The following PTRH1 variants were observed in gnomAD, a reference collection of about 807,000 sequenced individuals.
PTRH1 encodes the protein peptidyl-tRNA hydrolase.
Under a neutral mutation model 15.7 loss-of-function variants are expected in PTRH1, and 13 were observed. The ratio of observed to expected loss-of-function variants is 0.83; its 90% CI spans 0.54 to 1.31. The LOEUF (loss-of-function observed/expected upper bound fraction) is 1.31. PTRH1 is among the 40% of genes most tolerant of loss of function. The pLI, the probability that PTRH1 is intolerant of heterozygous loss-of-function variation, is 0.00. For synonymous variants in PTRH1, 139 were observed against 136.7 expected, an observed-to-expected ratio of 1.02 and a Z score of -0.12; for missense variants, 319 against 296.2, an observed-to-expected ratio of 1.08 and a Z score of -0.56.
chr9:127,710,450 C>A (rs933893644), downstream of PTRH1: 35 of 847,662 alleles, frequency 4.1e-5, no homozygotes, highest in Non-Finnish European at 6.1e-5. Flanking sequence ...CAGGGCCAGG[C>A]AGGGTAGGTG....
downstream of PTRH1, chr9:127,713,158 G>A (rs1314642266): frequency 1.2e-6 from 2 of 1,603,806 alleles, no homozygotes; most frequent in Admixed American, 1.7e-5. Flanking sequence ...TCAGGCTGCT[G>A]TCATATATCA....
chr9:127,699,717 A>G lies in PTRH1; in HGVS notation c.206-4576T>C, dbSNP rs543757817. ...GCAAAATAAAATGGGCTATCAGGGG[A>G]AAAAAAAAACAAAAAAACTGGTTCT... On this transcript the variant is annotated intron_variant, in intron 1 of 2. Transcript: ENST00000335223. Among the ~76,000 whole-genome samples the G allele has an allele frequency of 1.9e-4, 22 of 115,382 alleles. No homozygotes were observed. In the South Asian group the frequency reaches 3.3e-3, roughly 17 times the overall value. The allele number at this position is 115,382 out of a possible 152,430, so 75.7% of individuals were successfully genotyped here. A position where few individuals can be genotyped will look rare whatever the true frequency, so the allele number is the denominator to read the frequency against.
chr9:127,698,557 G>A (rs1842579608), intron 1 of PTRH1, among the ~76,000 whole-genome samples: 1 of 152,050 alleles, frequency 6.6e-6, no homozygotes, highest in African/African-American at 2.4e-5. Flanking sequence ...AGTCGTGGTG[G>A]CACATGCCTG....
At chr9:127,701,107 T>C (rs1842600333) in intron 1 of PTRH1, among the ~76,000 whole-genome samples, 1 of 152,228 alleles carries the variant, frequency 6.6e-6, no homozygotes, top group African/African-American at 2.4e-5. Flanking sequence ...CTGCTGAATA[T>C]GTATGTTTAG....
At chr9:127,699,412 C>G (rs1208108432) in intron 1 of PTRH1, among the ~76,000 whole-genome samples, 2 of 152,236 alleles carry the variant, frequency 1.3e-5, no homozygotes, top group East Asian at 3.8e-4. Context: ...GGCCTCGGGA[C>G]TGGGCTTGGG....
chr9:127,699,716 G>GAA lies in PTRH1; in HGVS notation c.206-4577_206-4576dup, dbSNP rs34867721. Among the ~76,000 whole-genome samples the GAA allele has an allele frequency of 2.5e-4, 37 of 146,672 alleles. No homozygotes were observed. The Middle Eastern group carries it at 0.014, about 56-fold the overall frequency. ...AGCAAAATAAAATGGGCTATCAGGG[G>GAA]AAAAAAAAAACAAAAAAACTGGTTC... is the stretch of plus-strand genomic sequence containing the variant. On this transcript the variant is annotated intron_variant, in intron 1 of 2. Coordinates refer to the PTRH1 transcript ENST00000335223.
downstream of PTRH1, chr9:127,711,769 A>C (rs1455391038): frequency 6.5e-7 from 1 of 1,534,598 alleles, no homozygotes; most frequent in Non-Finnish European, 8.8e-7. Flanking sequence ...CTGTGTCTGC[A>C]GCTGGGGGAC....
chr9:127,715,188 C>A lies in PTRH1; in HGVS notation c.103G>T (p.Gly35Cys). Reference protein sequence around the residue: ...RPPGKRWMVAGLGNPGLPGTR... With the variant: ...RPPGKRWMVACLGNPGLPGTR... ...CCGGGCAGTCCGGGATTCCCCAGGC[C>A]AGCCACCTGCGGGCGGCACCAGGGA... The change falls in exon 2 of 5, where the codon GGC (glycine) becomes TGC (cysteine). Residue 35 changes from glycine (G) to cysteine (C), a missense_variant. Physicochemically the swap from Gly to Cys is radical, Grantham distance 159. Transcript: ENST00000543175. The surrounding 1 kb of genome is among the most constrained non-coding windows in gnomAD (Gnocchi z 5.8). The A allele has an allele frequency of 6.5e-7, 1 of 1,526,754 alleles. No individual in the cohort carries two copies. The highest frequency in any genetic ancestry group is 1.2e-5 in the South Asian group (1 of 83,366). 94.6% of individuals were successfully genotyped at this position (1,526,754 alleles called of 1,614,324 possible).
In PTRH1 at chr9:127,704,789, C is replaced by T. The variant is rs368240493; in HGVS notation, c.206-9648G>A. ...GTACCTAACTCAGACCAGATGGCGT[C>T]GTGAACAGAGACACTGTGGCATGAT... On this transcript the variant is annotated intron_variant, in intron 1 of 2. Transcript: ENST00000335223. Among the ~76,000 whole-genome samples the T allele has an allele frequency of 2.6e-5, 4 of 151,276 alleles. No individual in the cohort carries two copies. In the South Asian group the frequency reaches 8.3e-4, roughly 31 times the overall value.
Position 127,714,156 on chromosome 9 carries a change from C to G in PTRH1, c.589G>C (p.Asp197His). ...LLPLLLDRAT[D>H]LILDHIRERS... The stretch of plus-strand genomic sequence containing the variant: ...TCACGGATGTGGTCCAAGATCAGGT[C>G]GGTGGCTCGATCCAGCAACAGAGGC... Residue 197 changes from aspartate to histidine, a missense_variant, in exon 5 of 5, where the codon GAC (aspartate) becomes CAC (histidine). Coordinates refer to ENST00000543175, the MANE Select transcript of PTRH1 (RefSeq NM_001002913.3). 1 of 1,613,832 alleles carries G rather than the reference C, an allele frequency of 6.2e-7. No individual in the cohort carries two copies. Among genetic ancestry groups the G allele is most frequent in the East Asian group, 2.2e-5 (1 of 44,878 alleles).
downstream of PTRH1, chr9:127,710,792 T>C (rs956945542): frequency 1.2e-5 from 19 of 1,549,902 alleles, no homozygotes; most frequent in East Asian, 4.6e-4. Context: ...CTTTGGAGGC[T>C]TCATCCCTGG....
intron 1 of PTRH1, among the ~76,000 whole-genome samples, chr9:127,701,300 T>C (rs1842601528): frequency 6.6e-6 from 1 of 152,312 alleles, no homozygotes; most frequent in Non-Finnish European, 1.5e-5. Flanking sequence ...TAACGTATCA[T>C]AGTACCAAAT....
At chr9:127,708,860 T>A (rs1344914793), downstream of PTRH1, among the ~76,000 whole-genome samples, 1 of 152,190 alleles carries the variant, frequency 6.6e-6, no homozygotes, top group African/African-American at 2.4e-5. Context: ...GTAAGGGAGA[T>A]GCCAGGTACA....
chr9:127,704,349 A>T (rs1412664600), intron 1 of PTRH1, among the ~76,000 whole-genome samples: 2 of 152,042 alleles, frequency 1.3e-5, no homozygotes, highest in African/African-American at 2.4e-5. Context: ...CACCAAAAAA[A>T]ATTAAAAAAT....
At chr9:127,714,332 A>ACC in intron 4 of PTRH1, 47 bp downstream of exon 4, 1 of 1,613,938 alleles carries the variant, frequency 6.2e-7, no homozygotes, top group Admixed American at 1.7e-5. Flanking sequence ...GTGCTGGGGG[A>ACC]CCCCTGGCCC....
At chr9:127,713,402 G>A (rs572689343), downstream of PTRH1, 6 of 513,242 alleles carry the variant, frequency 1.2e-5, no homozygotes, top group East Asian at 6.4e-5. Context: ...TGCCCTGGGA[G>A]GGGGGTTGGC....
chr9:127,703,148 T>C (rs984160944), intron 1 of PTRH1, among the ~76,000 whole-genome samples: 4 of 151,712 alleles, frequency 2.6e-5, no homozygotes, highest in African/African-American at 9.7e-5. Flanking sequence ...AATTCTAGAA[T>C]AACAAATAAA....
At chr9:127,714,851 G>A in intron 2 of PTRH1, 124 bp downstream of exon 2, 2 of 1,026,726 alleles carry the variant, frequency 1.9e-6, no homozygotes, top group Non-Finnish European at 2.9e-6. Flanking sequence ...TGCAGCAACT[G>A]GAGCTCAACA....
intron 1 of PTRH1, among the ~76,000 whole-genome samples, chr9:127,703,698 T>G (rs1004130861): frequency 6.6e-6 from 1 of 152,132 alleles, no homozygotes; most frequent in Non-Finnish European, 1.5e-5. Flanking sequence ...GACCTACTTT[T>G]CCTAAGTCAC....
Sources: allele counts gnomAD v4.1 joint callset (sites outside exome capture counted in the v4.1 genomes callset), GRCh38; gene constraint gnomAD v4.1.1; non-coding constraint Gnocchi (gnomAD v3.1); transcripts MANE v1.5; gene names NCBI Gene and HGNC (gene_info 2026-07-23, HGNC 2026-07-21).